PARD3B: variants seen among roughly 807,000 people sequenced by gnomAD.
PARD3B encodes partitioning defective 3 homolog B.
PARD3B carries 103 observed loss-of-function variants against 130.2 expected under a neutral mutation model. That is an observed-to-expected ratio of 0.79 (90% CI 0.67 to 0.93). The LOEUF (loss-of-function observed/expected upper bound fraction) is 0.93, where lower values mean the gene tolerates loss of function less well. Ranked by LOEUF, PARD3B falls within the 40% of genes least tolerant of loss-of-function variation. The pLI is 0.00. For synonymous variants in PARD3B, 583 were observed against 553.2 expected (o/e 1.05, Z -0.76); for missense variants, 1,609 against 1,499.2 (o/e 1.07, Z -1.21).
rs566347755 is a variant in PARD3B, at chr2:204,746,817, G to T, written c.222+60535G>T. ...TCTGTTCATATCCTTTGCCCACTTTGTGATGGGGTTGTTTTTTTCTTGTAA... is the reference window on the plus strand; with the variant it reads ...TCTGTTCATATCCTTTGCCCACTTTTTGATGGGGTTGTTTTTTTCTTGTAA... On this transcript the variant is annotated intron_variant, in intron 2 of 22. Transcript: ENST00000406610. 6.6e-4 allele frequency among the ~76,000 whole-genome samples: 100 copies of T among 152,118 alleles called. No homozygotes were observed. In the South Asian group the frequency reaches 8.3e-3, roughly 13 times the overall value.
Position 205,300,862 on chromosome 2 carries a change from A to T in PARD3B, c.2392+126A>T. 1 of 1,050,104 alleles carries T rather than the reference A, an allele frequency of 9.5e-7. No homozygotes were observed. The allele number at this position is 1,050,104 out of a possible 1,614,324, so 65.0% of individuals were successfully genotyped here. A position where few individuals can be genotyped will look rare whatever the true frequency, so the allele number is the denominator to read the frequency against. ...ATCACAATTATATTTTTGATATTAA[A>T]AGTAATTCATTTTCCTGATATGTTT... On this transcript the variant is annotated intron_variant, in intron 17 of 22. Transcript: ENST00000406610. The surrounding 1 kb of genome is among the most constrained non-coding windows in gnomAD (Gnocchi z 4.1).
intron 4 of PARD3B, among the ~76,000 whole-genome samples, chr2:205,088,804 T>TTC: frequency 6.6e-6 from 1 of 151,560 alleles, no homozygotes. Flanking sequence ...GACTGTCTTT[T>TTC]TTTTTTTTGA....
intron 2 of PARD3B, among the ~76,000 whole-genome samples, chr2:204,808,983 A>G (rs1275764293): frequency 6.6e-6 from 1 of 152,136 alleles, no homozygotes; most frequent in Non-Finnish European, 1.5e-5. Flanking sequence ...GACTGGTGTG[A>G]GATGGTACCC....
At chr2:205,362,573 G>A (rs2044430590) in intron 18 of PARD3B, among the ~76,000 whole-genome samples, 2 of 152,156 alleles carry the variant, frequency 1.3e-5, no homozygotes, top group South Asian at 4.1e-4. Flanking sequence ...TTGGAAATGT[G>A]TAATCTCCTA....
At chr2:205,100,944 G>T (rs1193114095) in intron 4 of PARD3B, among the ~76,000 whole-genome samples, 1 of 151,998 alleles carries the variant, frequency 6.6e-6, no homozygotes, top group African/African-American at 2.4e-5. Flanking sequence ...ATGTTTCTTA[G>T]ATACAAAACC....
rs563987620 is a variant in PARD3B at position 204,800,873 on chromosome 2, TG to T, written c.222+114592del. 3.3e-3 allele frequency among the ~76,000 whole-genome samples: 497 copies of T among 152,332 alleles called. 8 individuals are homozygous for T. Among genetic ancestry groups the T allele is most frequent in the African/African-American group, 0.012 (481 of 41,570 alleles). On this transcript the variant is annotated intron_variant, in intron 2 of 22. Transcript: ENST00000406610. ...TTACATTTAAGTCTTTAATCCATCT[TG>T]AGTTAATTTTTGTATAAGGTATAAG...
chr2:204,866,151 T>G, intron 2 of PARD3B, among the ~76,000 whole-genome samples: 1 of 152,188 alleles, frequency 6.6e-6, no homozygotes, highest in East Asian at 1.9e-4. Flanking sequence ...TTCACTGTTT[T>G]TGATTGGTCA....
intron 18 of PARD3B, among the ~76,000 whole-genome samples, chr2:205,317,413 TG>T: frequency 6.6e-6 from 1 of 152,194 alleles, no homozygotes; most frequent in Admixed American, 6.5e-5. Context: ...CAAAGTGAAA[TG>T]GCACTGAATT....
intron 18 of PARD3B, among the ~76,000 whole-genome samples, chr2:205,390,323 T>C (rs1227735482): frequency 5.3e-5 from 8 of 151,950 alleles, no homozygotes; most frequent in Non-Finnish European, 1.2e-4. Flanking sequence ...GCTCTAGTTA[T>C]ACTTTCTGTG....
At chr2:205,522,941 T>A (rs2051146601) in intron 21 of PARD3B, among the ~76,000 whole-genome samples, 1 of 152,050 alleles carries the variant, frequency 6.6e-6, no homozygotes, top group Non-Finnish European at 1.5e-5. Flanking sequence ...TATTTGTCAC[T>A]TTTTATCTGT....
intron 18 of PARD3B, among the ~76,000 whole-genome samples, chr2:205,376,853 G>A (rs1490918462): frequency 2.0e-5 from 3 of 152,166 alleles, no homozygotes; most frequent in Non-Finnish European, 4.4e-5. Flanking sequence ...GTGTCCTGAA[G>A]GAAAGAAAGT....
At chr2:205,107,246 A>G (rs780251441) in intron 5 of PARD3B, among the ~76,000 whole-genome samples, 3 of 152,232 alleles carry the variant, frequency 2.0e-5, no homozygotes, top group Non-Finnish European at 4.4e-5. Context: ...ACTGTTGGAT[A>G]AAATGTTTTA....
At chr2:205,100,379 A>C (rs1159467771) in intron 4 of PARD3B, among the ~76,000 whole-genome samples, 1 of 152,020 alleles carries the variant, frequency 6.6e-6, no homozygotes, top group Non-Finnish European at 1.5e-5. Context: ...GGATTGAGAG[A>C]CTTTATGATG....
At chr2:204,985,041 G>C (rs565748840) in intron 3 of PARD3B, among the ~76,000 whole-genome samples, 11 of 151,816 alleles carry the variant, frequency 7.2e-5, no homozygotes, top group Non-Finnish European at 1.0e-4. Context: ...AATGATTATA[G>C]GCATTGCTAC....
At chr2:205,198,960 G>C (rs1185800808) in intron 15 of PARD3B, among the ~76,000 whole-genome samples, 1 of 151,734 alleles carries the variant, frequency 6.6e-6, no homozygotes, top group East Asian at 1.9e-4. Context: ...TTACTGTTTG[G>C]GATACAACTT....
rs190312804 is a variant in PARD3B, at chr2:205,057,316, T to G, written c.504+9626T>G. Among the ~76,000 whole-genome samples, 13 of 147,832 alleles carry G rather than the reference T, an allele frequency of 8.8e-5. No homozygotes were observed. In the East Asian group the frequency reaches 2.6e-3, roughly 29 times the overall value. On this transcript the variant is annotated intron_variant, in intron 4 of 22. Transcript: ENST00000406610. ...ATATACATGTATGTATTCGTATATG[T>G]ATGTTATATATGTATATGTGTTATA...
At chr2:204,979,796 AT>A (rs1366430107) in intron 3 of PARD3B, among the ~76,000 whole-genome samples, 1 of 152,218 alleles carries the variant, frequency 6.6e-6, no homozygotes, top group Non-Finnish European at 1.5e-5. Context: ...ATAGAAAAAA[AT>A]TTAATATCCC....
rs150244738 is a variant in PARD3B, at chr2:204,721,353, A to G, written c.222+35071A>G. Among the ~76,000 whole-genome samples, 640 of 152,220 alleles carry G rather than the reference A, an allele frequency of 4.2e-3. 4 individuals are homozygous for G. The highest frequency in any genetic ancestry group is 0.015 in the African/African-American group (622 of 41,548). Reference sequence around the variant, plus strand: ...ACAGGAGGCACATACTCCCCCCTGTAAGAGTCTAGGAGGTGACTCAGGCTA... The same window carrying G: ...ACAGGAGGCACATACTCCCCCCTGTGAGAGTCTAGGAGGTGACTCAGGCTA... On this transcript the variant is annotated intron_variant, in intron 2 of 22. Transcript: ENST00000406610.
At chr2:205,182,444 A>G (rs894286840) in intron 13 of PARD3B, among the ~76,000 whole-genome samples, 2 of 152,184 alleles carry the variant, frequency 1.3e-5, no homozygotes, top group African/African-American at 4.8e-5. Context: ...AATGGTTCAC[A>G]TGAGTGTAAT....
Sources: allele counts gnomAD v4.1 joint callset (sites outside exome capture counted in the v4.1 genomes callset), GRCh38; gene constraint gnomAD v4.1.1; non-coding constraint Gnocchi (gnomAD v3.1); transcripts MANE v1.5; gene names NCBI Gene and HGNC (gene_info 2026-07-23, HGNC 2026-07-21).